Variants in CCDC61 observed in about 807,000 individuals in gnomAD.
The protein encoded by CCDC61 is centrosomal protein CCDC61.
Under a neutral mutation model 63.0 loss-of-function variants are expected in CCDC61, and 55 were observed. The observed-to-expected ratio is 0.87, with a 90% CI of 0.70 to 1.09. The LOEUF (loss-of-function observed/expected upper bound fraction) is 1.09. CCDC61 is among the 50% of genes least tolerant of loss of function. The pLI is 0.00. For missense variants in CCDC61, 651 were observed against 731.4 expected, an observed-to-expected ratio of 0.89 and a Z score of 1.27; for synonymous variants, 270 against 317.0, an observed-to-expected ratio of 0.85 and a Z score of 1.58.
At position 46,016,158 on chromosome 19, in the gene CCDC61, C is replaced by A. The variant is rs1441139950; in HGVS notation, c.950C>A (p.Ser317Tyr). 2.7e-5 allele frequency: 35 copies of A among 1,296,614 alleles called. No individual in the cohort carries two copies. In the South Asian group the frequency reaches 3.9e-4, roughly 14 times the overall value. 80.3% of individuals were successfully genotyped at this position (1,296,614 alleles called of 1,614,324 possible). Residue 317 changes from serine to tyrosine, a missense_variant, in exon 8 of 14, where the codon TCC becomes TAC. By Grantham distance (144) the Ser-to-Tyr change is moderately radical. Transcript: ENST00000595358. The surrounding 1 kb of genome is among the most constrained non-coding windows in gnomAD (Gnocchi z 7.2). ...GGCCGCGGCGCCGCGCGCTCCTCAT[C>A]CCGGGAGAGCGGCCGCGGGAGCCGG... is the stretch of plus-strand genomic sequence containing the variant. ...SRGRGAARSS[S>Y]RESGRGSRGR...
Position 46,017,052 on chromosome 19 carries a change from T to A in CCDC61, c.1293T>A (p.Ser431=). ...CCTGCAGCGATTTGGAGGATTTCTC[T>A]GAGTCGCTCTCCAGAGGGTAAAACT... ...ASSCSDLEDF[S]ESLSRGGHRR... The change falls in exon 11 of 14, where the codon TCT becomes TCA. Residue 431 remains serine, a synonymous_variant. Coordinates refer to ENST00000595358, the MANE Select transcript of CCDC61 (RefSeq NM_001267723.2). 6.2e-7 allele frequency: 1 copy of A among 1,612,430 alleles called. No individual in the cohort carries two copies. Among genetic ancestry groups the A allele is most frequent in the Non-Finnish European group, 8.5e-7 (1 of 1,179,272 alleles).
chr19:46,008,704 C>T lies in CCDC61; in HGVS notation c.551+403C>T, dbSNP rs146944122. Among the ~76,000 whole-genome samples, 900 of 152,300 alleles carry T rather than the reference C, an allele frequency of 5.9e-3. 11 individuals are homozygous for T. Among genetic ancestry groups the T allele is most frequent in the African/African-American group, 0.019 (785 of 41,562 alleles). On this transcript the variant is annotated intron_variant, in intron 5 of 13. Transcript: ENST00000595358. Reference sequence around the variant, plus strand: ...GATTACAGGCATGAGCCACTGCGCCCGGCCTCTGAGCCCCTCTTCTGTACC... The same window carrying T: ...GATTACAGGCATGAGCCACTGCGCCTGGCCTCTGAGCCCCTCTTCTGTACC...
At chr19:46,008,698 T>C (rs974095896) in intron 5 of CCDC61, among the ~76,000 whole-genome samples, 5 of 152,204 alleles carry the variant, frequency 3.3e-5, no homozygotes, top group Non-Finnish European at 7.3e-5. Flanking sequence ...CATGAGCCAC[T>C]GCGCCCGGCC....
At chr19:46,003,232 A>G in intron 2 of CCDC61, 66 bp downstream of exon 2, 1 of 1,525,582 alleles carries the variant, frequency 6.6e-7, no homozygotes. Context: ...CCAGAATATC[A>G]GGCCACCCTG....
Position 46,016,429 on chromosome 19 carries a change from C to G in CCDC61, c.1091+36C>G. On this transcript the variant is annotated intron_variant, in intron 9 of 13. Coordinates refer to ENST00000595358, the MANE Select transcript of CCDC61 (RefSeq NM_001267723.2). This position sits in a 1 kb window ranked among gnomAD's most constrained non-coding sequence, Gnocchi z 7.2. Reference sequence around the variant, plus strand: ...CTTCCTCCCTCACCTGCCCCTGTCCCTGGCCCGTGCCCGCTCCCGGGCTCT... The same window carrying G: ...CTTCCTCCCTCACCTGCCCCTGTCCGTGGCCCGTGCCCGCTCCCGGGCTCT... The G allele has an allele frequency of 6.2e-7, 1 of 1,607,020 alleles. No individual in the cohort carries two copies. The highest frequency in any genetic ancestry group is 8.5e-7 in the Non-Finnish European group (1 of 1,175,424).
intron 1 of CCDC61, among the ~76,000 whole-genome samples, chr19:45,999,035 A>G (rs371040667): frequency 2.0e-5 from 3 of 152,354 alleles, no homozygotes; most frequent in Non-Finnish European, 4.4e-5. Context: ...GTGGGATCCT[A>G]GACAAGCCTC....
At chr19:46,007,897 C>CTACA (rs1450216425) in intron 4 of CCDC61, among the ~76,000 whole-genome samples, 1 of 152,172 alleles carries the variant, frequency 6.6e-6, no homozygotes, top group Non-Finnish European at 1.5e-5. Flanking sequence ...TTCCCCCAGA[C>CTACA]TACACCAGGG....
intron 1 of CCDC61, chr19:45,996,490 C>G (rs903568601): frequency 7.0e-6 from 1 of 142,238 alleles, no homozygotes; most frequent in Non-Finnish European, 1.5e-5. Context: ...AGTGCAATGG[C>G]GCGATCTTGG....
Position 46,008,263 on chromosome 19 carries a change from G to A in CCDC61, c.513G>A (p.Arg171=). Residue 171 remains arginine, a synonymous_variant, in exon 5 of 14, where the codon CGG becomes CGA. Coordinates refer to ENST00000595358, the MANE Select transcript of CCDC61 (RefSeq NM_001267723.2). ...AAGGGCTGGATGGCCAGAACACTCGGGACACCCGGGAGAATGAGATCTGGC... is the reference window on the plus strand; with the variant it reads ...AAGGGCTGGATGGCCAGAACACTCGAGACACCCGGGAGAATGAGATCTGGC... ...RLQGLDGQNT[R]DTRENEIWHL... 1.3e-6 allele frequency: 2 copies of A among 1,511,188 alleles called. No homozygotes were observed. The highest frequency in any genetic ancestry group is 2.2e-5 in the South Asian group (2 of 89,598). 93.6% of individuals were successfully genotyped at this position (1,511,188 alleles called of 1,614,324 possible). A position where few individuals can be genotyped will look rare whatever the true frequency, so the allele number is the denominator to read the frequency against.
At position 46,016,720 on chromosome 19, in the gene CCDC61, G is replaced by A. The variant is rs753516618; in HGVS notation, c.1118G>A (p.Ser373Asn). 1 of 1,611,374 alleles carries A rather than the reference G, an allele frequency of 6.2e-7. No individual in the cohort carries two copies. Among genetic ancestry groups the A allele is most frequent in the South Asian group, 1.1e-5 (1 of 90,530 alleles). ...MKQQQRNRLG[S>N]GGSGDGPSVS... Reference sequence around the variant, plus strand: ...CAGCAGCAGCGGAACCGCTTAGGCAGTGGGGGAAGCGGGGACGGTCCGTCC... The same window carrying A: ...CAGCAGCAGCGGAACCGCTTAGGCAATGGGGGAAGCGGGGACGGTCCGTCC... The change falls in exon 10 of 14, where the codon AGT (serine) becomes AAT (asparagine). Residue 373 changes from serine to asparagine, a missense_variant. Physicochemically the swap from Ser to Asn is conservative, Grantham distance 46. Transcript: ENST00000595358. This position sits in a 1 kb window ranked among gnomAD's most constrained non-coding sequence, Gnocchi z 7.2.
intron 4 of CCDC61, among the ~76,000 whole-genome samples, chr19:46,006,942 G>A (rs1003893254): frequency 1.3e-5 from 2 of 152,142 alleles, no homozygotes; most frequent in African/African-American, 2.4e-5. Context: ...CAAATAATAC[G>A]TCACGTAACA....
intron 1 of CCDC61, among the ~76,000 whole-genome samples, chr19:45,998,547 G>A (rs1217261458): frequency 6.6e-6 from 1 of 152,094 alleles, no homozygotes; most frequent in Non-Finnish European, 1.5e-5. Context: ...GGAATGAGCC[G>A]AGGGGAGAAA....
chr19:45,997,191 C>G (rs1471223276), intron 1 of CCDC61, among the ~76,000 whole-genome samples: 2 of 152,176 alleles, frequency 1.3e-5, no homozygotes, highest in Admixed American at 6.5e-5. Context: ...GGCCTTTGTA[C>G]TCGCTGTCCT....
intron 5 of CCDC61, 109 bp downstream of exon 5, chr19:46,008,410 G>A (rs1030240552): frequency 5.2e-5 from 49 of 951,080 alleles, no homozygotes; most frequent in African/African-American, 1.9e-4. Flanking sequence ...CGCCCACCAC[G>A]TATTCTTTTT....
At chr19:45,997,432 C>G (rs1968514255) in intron 1 of CCDC61, among the ~76,000 whole-genome samples, 1 of 152,152 alleles carries the variant, frequency 6.6e-6, no homozygotes, top group Non-Finnish European at 1.5e-5. Flanking sequence ...TGCGGGTCAC[C>G]CAGGCTGGAG....
rs1307799101 is a variant in CCDC61, at chr19:46,015,123, G to A, written c.626G>A (p.Gly209Glu). 1 of 1,300,854 alleles carries A rather than the reference G, an allele frequency of 7.7e-7. No homozygotes were observed. Among genetic ancestry groups the A allele is most frequent in the Non-Finnish European group, 9.7e-7 (1 of 1,027,420 alleles). 80.6% of individuals were successfully genotyped at this position (1,300,854 alleles called of 1,614,324 possible). The change falls in exon 6 of 14, where the codon GGG becomes GAG. Residue 209 changes from glycine (G) to glutamate (E), a missense_variant. Gly to Glu is a moderately conservative substitution (Grantham distance 98). Coordinates refer to ENST00000595358, the MANE Select transcript of CCDC61 (RefSeq NM_001267723.2). The surrounding 1 kb of genome is among the most constrained non-coding windows in gnomAD (Gnocchi z 5.3). ...LGRSREEALA[G>E]RAARQEAEAL... Reference sequence around the variant, plus strand: ...CGATCGCGCGAGGAGGCGCTGGCCGGGCGCGCGGCACGCCAGGAGGCCGAG... The same window carrying A: ...CGATCGCGCGAGGAGGCGCTGGCCGAGCGCGCGGCACGCCAGGAGGCCGAG...
At chr19:45,997,427 G>T (rs983529930) in intron 1 of CCDC61, among the ~76,000 whole-genome samples, 11 of 152,124 alleles carry the variant, frequency 7.2e-5, no homozygotes, top group Admixed American at 1.3e-4. Context: ...ACTCTTGCGG[G>T]TCACCCAGGC....
chr19:46,008,330 G>T (rs1167823922), intron 5 of CCDC61, 29 bp downstream of exon 5: 3 of 882,590 alleles, frequency 3.4e-6, no homozygotes, highest in Non-Finnish European at 5.3e-6. Context: ...GGCAGCTGGG[G>T]CGGGTGGGGG....
chr19:46,015,566 C>T lies in CCDC61; in HGVS notation c.845+139C>T. 6.6e-6 allele frequency: 5 copies of T among 758,596 alleles called. No individual in the cohort carries two copies. Among genetic ancestry groups the T allele is most frequent in the South Asian group, 3.7e-5 (2 of 53,506 alleles). The allele number at this position is 758,596 out of a possible 1,614,324, so 47.0% of individuals were successfully genotyped here. A position where few individuals can be genotyped will look rare whatever the true frequency, so the allele number is the denominator to read the frequency against. On this transcript the variant is annotated intron_variant, in intron 7 of 13. Transcript: ENST00000595358. This position sits in a 1 kb window ranked among gnomAD's most constrained non-coding sequence, Gnocchi z 5.3. ...GGGCTGAAGGGGAGGCGGGGCTTAG[C>T]GGACCCCGTCTGGAGTCCAGACAGG...
Sources: gnomAD v4.1 joint callset for allele counts (sites outside exome capture counted in the v4.1 genomes callset) on GRCh38, gnomAD v4.1.1 for gene constraint, Gnocchi (gnomAD v3.1) non-coding constraint, MANE v1.5 for transcripts, NCBI Gene and HGNC (gene_info 2026-07-23, HGNC 2026-07-21) for gene names.